GTF2A1L: variants seen among roughly 807,000 people sequenced by gnomAD.
The protein encoded by GTF2A1L is TFIIA-alpha and beta-like factor.
A neutral mutation model predicts 49.7 loss-of-function variants in GTF2A1L; 48 were observed. The ratio of observed to expected loss-of-function variants is 0.97; its 90% confidence interval spans 0.77 to 1.23. The LOEUF (loss-of-function observed/expected upper bound fraction) is 1.23, where lower values mean the gene tolerates loss of function less well. Ranked by LOEUF, GTF2A1L falls within the 50% of genes most tolerant of loss-of-function variation. GTF2A1L has a pLI of 0.00. For synonymous variants in GTF2A1L, 246 were observed against 193.5 expected (o/e 1.27, Z -2.25); for missense variants, 736 against 564.8 (o/e 1.30, Z -3.07).
chr2:48,645,481 C>G (rs896224576), intron 5 of GTF2A1L, among the ~76,000 whole-genome samples: 1 of 152,278 alleles, frequency 6.6e-6, no homozygotes, highest in South Asian at 2.1e-4. Flanking sequence ...GATGATCAAC[C>G]TTTGCCCCCT....
chr2:48,676,515 T>G (rs1186260131), intron 8 of GTF2A1L, among the ~76,000 whole-genome samples: 2 of 151,888 alleles, frequency 1.3e-5, no homozygotes, highest in African/African-American at 4.8e-5. Context: ...ATTTACATTT[T>G]GTGAACTGTT....
intron 8 of GTF2A1L, 114 bp downstream of exon 8, chr2:48,671,794 C>A: frequency 2.0e-6 from 2 of 1,015,178 alleles, no homozygotes; most frequent in Non-Finnish European, 2.8e-6. Context: ...ATCAAAACAG[C>A]AGTTTAATTC....
intron 3 of GTF2A1L, among the ~76,000 whole-genome samples, chr2:48,621,686 T>G (rs571056957): frequency 1.6e-4 from 25 of 152,196 alleles, no homozygotes; most frequent in Non-Finnish European, 3.4e-4. Flanking sequence ...TTGTGTATAT[T>G]ATAAATCTGA....
chr2:48,660,941 C>G (rs1678459294), intron 6 of GTF2A1L, among the ~76,000 whole-genome samples: 2 of 152,080 alleles, frequency 1.3e-5, no homozygotes, highest in South Asian at 4.1e-4. Context: ...ATGGCCGACC[C>G]TCATTGATAA....
intron 8 of GTF2A1L, among the ~76,000 whole-genome samples, chr2:48,672,784 A>C (rs566129659): frequency 6.6e-6 from 1 of 152,352 alleles, no homozygotes; most frequent in African/African-American, 2.4e-5. Flanking sequence ...AGATATAATG[A>C]ACATAGTATA....
At position 48,621,236 on chromosome 2, in the gene GTF2A1L, C is replaced by T. The variant is rs138366256; in HGVS notation, c.193C>T (p.Leu65=). Residue 65 remains leucine, a synonymous_variant, in exon 3 of 9, where the codon CTG becomes TTG. Transcript: ENST00000403751. ...DFFRNSIQSP[L]FTLQLPHSLH... Reference sequence around the variant, plus strand: ...CTTCAGAAATAGCATCCAATCACCTCTGTTTACTCTTCAGTTGCCGCACAG... The same window carrying T: ...CTTCAGAAATAGCATCCAATCACCTTTGTTTACTCTTCAGTTGCCGCACAG... 8.6e-5 allele frequency: 139 copies of T among 1,614,018 alleles called. No individual in the cohort carries two copies. The Middle Eastern group carries it at 1.2e-3, about 13-fold the overall frequency.
At chr2:48,635,944 T>A (rs1313663975) in intron 3 of GTF2A1L, among the ~76,000 whole-genome samples, 2 of 152,196 alleles carry the variant, frequency 1.3e-5, no homozygotes, top group East Asian at 3.9e-4. Flanking sequence ...CCTGAGTTGC[T>A]CTGATCTCCT....
At chr2:48,643,929 C>T (rs113717339) in intron 4 of GTF2A1L, among the ~76,000 whole-genome samples, 3,182 of 152,132 alleles carry the variant, frequency 0.021, 111 homozygotes, top group African/African-American at 0.071. Context: ...AAACTCCTGA[C>T]CTCAAGTGAT....
Position 48,679,587 on chromosome 2 carries a change from C to T in GTF2A1L, c.*145C>T. On this transcript the variant is annotated 3_prime_UTR_variant, in exon 9 of 9. Coordinates refer to ENST00000403751, the MANE Select transcript of GTF2A1L (RefSeq NM_006872.5). Reference sequence around the variant, plus strand: ...TATGGAATTTAATAAAATTATAATTCAGATGCAGATACAATTACACAATTT... The same window carrying T: ...TATGGAATTTAATAAAATTATAATTTAGATGCAGATACAATTACACAATTT... 2.1e-6 allele frequency: 3 copies of T among 1,415,998 alleles called. No individual in the cohort carries two copies. Among genetic ancestry groups the T allele is most frequent in the Non-Finnish European group, 2.8e-6 (3 of 1,088,982 alleles). The allele number at this position is 1,415,998 out of a possible 1,614,324, so 87.7% of individuals were successfully genotyped here.
chr2:48,631,673 T>C (rs1377750912), intron 3 of GTF2A1L, among the ~76,000 whole-genome samples: 1 of 152,184 alleles, frequency 6.6e-6, no homozygotes, highest in African/African-American at 2.4e-5. Context: ...TGTGTTTCAC[T>C]CCGATTGTAG....
intron 6 of GTF2A1L, among the ~76,000 whole-genome samples, chr2:48,654,223 A>G (rs1478529508): frequency 1.3e-5 from 2 of 152,078 alleles, no homozygotes; most frequent in African/African-American, 2.4e-5. Context: ...TTTATCTTCC[A>G]GTTTATTTAT....
chr2:48,656,348 G>GTTTTTTTTTT (rs367837291), intron 6 of GTF2A1L, among the ~76,000 whole-genome samples: 6 of 114,534 alleles, frequency 5.2e-5, no homozygotes, highest in Admixed American at 8.9e-5. Flanking sequence ...CTTATTTTCT[G>GTTTTTTTTTT]TTTTTTTTTT....
intron 4 of GTF2A1L, among the ~76,000 whole-genome samples, chr2:48,644,681 A>C (rs537374601): frequency 6.6e-6 from 1 of 152,316 alleles, no homozygotes; most frequent in African/African-American, 2.4e-5. Flanking sequence ...AATTTTTATC[A>C]CATTCTCAAC....
At chr2:48,641,141 T>G (rs887197716) in intron 3 of GTF2A1L, among the ~76,000 whole-genome samples, 5 of 152,198 alleles carry the variant, frequency 3.3e-5, no homozygotes, top group Admixed American at 3.3e-4. Context: ...GTTAACAGAT[T>G]TTTATTTCCT....
rs190208921 is a variant in GTF2A1L, at chr2:48,659,636, A to C, written c.979-10086A>C. ...TGTCTTTCCATTGATTTTTGTCTTTATTTTCTTTCAGCAATTTTTGTTGTT... is the reference window on the plus strand; with the variant it reads ...TGTCTTTCCATTGATTTTTGTCTTTCTTTTCTTTCAGCAATTTTTGTTGTT... On this transcript the variant is annotated intron_variant, in intron 6 of 8. Coordinates refer to ENST00000403751, the MANE Select transcript of GTF2A1L (RefSeq NM_006872.5). 3.2e-4 allele frequency among the ~76,000 whole-genome samples: 49 copies of C among 151,494 alleles called. No individual in the cohort carries two copies. In the East Asian group the frequency reaches 7.2e-3, roughly 22 times the overall value.
chr2:48,658,313 T>C (rs1678294447), intron 6 of GTF2A1L, among the ~76,000 whole-genome samples: 1 of 152,220 alleles, frequency 6.6e-6, no homozygotes, highest in Non-Finnish European at 1.5e-5. Context: ...TTCATTCTTC[T>C]GCATATGGCT....
intron 6 of GTF2A1L, among the ~76,000 whole-genome samples, chr2:48,662,174 T>A (rs1678544775): frequency 6.6e-6 from 1 of 152,220 alleles, no homozygotes; most frequent in South Asian, 2.1e-4. Flanking sequence ...AACTTTGCCC[T>A]CCCCTACTTT....
chr2:48,661,892 C>G (rs908372606), intron 6 of GTF2A1L, among the ~76,000 whole-genome samples: 4 of 151,998 alleles, frequency 2.6e-5, no homozygotes, highest in African/African-American at 9.7e-5. Context: ...AATTCATTTG[C>G]GTTTAGAGTA....
rs138258980 is a variant in GTF2A1L at position 48,677,223 on chromosome 2, T to C, written c.1330-2112T>C. Reference sequence around the variant, plus strand: ...ATATTAACTCCAGAATCAACTTGTCTGGTTCAAAATAAAACCCTGTTGGTA... The same window carrying C: ...ATATTAACTCCAGAATCAACTTGTCCGGTTCAAAATAAAACCCTGTTGGTA... On this transcript the variant is annotated intron_variant, in intron 8 of 8. Coordinates refer to ENST00000403751, the MANE Select transcript of GTF2A1L (RefSeq NM_006872.5). Among the ~76,000 whole-genome samples, 734 of 152,116 alleles carry C rather than the reference T, an allele frequency of 4.8e-3. 5 individuals carry two copies. Among genetic ancestry groups the C allele is most frequent in the African/African-American group, 0.016 (668 of 41,544 alleles).
Sources: gnomAD v4.1 joint callset for allele counts (sites outside exome capture counted in the v4.1 genomes callset) on GRCh38, gnomAD v4.1.1 for gene constraint, MANE v1.5 for transcripts, NCBI Gene and HGNC (gene_info 2026-07-23, HGNC 2026-07-21) for gene names.